VAT1L: variants seen among roughly 807,000 people sequenced by gnomAD.
VAT1L encodes vesicle amine transport 1 like.
Under a neutral mutation model 44.1 loss-of-function variants are expected in VAT1L, and 34 were observed. The ratio of observed to expected loss-of-function variants is 0.77; its 90% CI spans 0.59 to 1.03. The LOEUF (loss-of-function observed/expected upper bound fraction) is 1.03, where lower values mean the gene tolerates loss of function less well. Among genes scored for constraint, VAT1L ranks in the 50% least tolerant of loss-of-function variants. VAT1L has a pLI of 0.00. For missense variants in VAT1L, 615 were observed against 538.8 expected (o/e 1.14, Z -1.40); for synonymous variants, 253 against 202.2 (o/e 1.25, Z -2.13).
chr16:77,896,631 A>G (rs574315782), intron 7 of VAT1L, among the ~76,000 whole-genome samples: 46 of 152,294 alleles, frequency 3.0e-4, no homozygotes, highest in African/African-American at 9.9e-4. Flanking sequence ...ATGCCCCGCG[A>G]AAGATTTCTG....
chr16:77,872,615 G>A (rs533872080), intron 4 of VAT1L, among the ~76,000 whole-genome samples: 13 of 152,240 alleles, frequency 8.5e-5, no homozygotes, highest in East Asian at 5.8e-4. Context: ...AGCCACAGTG[G>A]CTGCTTCCCA....
At chr16:77,815,968 CAAAAAAAA>C (rs57312031) in intron 1 of VAT1L, among the ~76,000 whole-genome samples, 5 of 32,944 alleles carry the variant, frequency 1.5e-4, no homozygotes, top group Non-Finnish European at 2.2e-4. Flanking sequence ...AACTCTGTCT[CAAAAAAAA>C]AAAAAAAAAA....
At chr16:77,866,586 T>TA (rs970692280) in intron 4 of VAT1L, among the ~76,000 whole-genome samples, 26 of 151,058 alleles carry the variant, frequency 1.7e-4, no homozygotes, top group African/African-American at 6.4e-4. Flanking sequence ...CAGATATTGT[T>TA]ACGCTATTAG....
intron 7 of VAT1L, among the ~76,000 whole-genome samples, chr16:77,894,502 G>C (rs2017300733): frequency 6.6e-6 from 1 of 152,178 alleles, no homozygotes; most frequent in South Asian, 2.1e-4. Flanking sequence ...GAGGAACAGA[G>C]GTCACAGGAG....
In VAT1L at chr16:77,960,341, C is replaced by T. The variant is rs115588864; in HGVS notation, c.1078-11509C>T. On this transcript the variant is annotated intron_variant, in intron 7 of 8. Coordinates refer to ENST00000302536, the MANE Select transcript of VAT1L (RefSeq NM_020927.3). Reference sequence around the variant, plus strand: ...GTACCCTGGCAGGAAGCAAGCAGCACACTTAGCTGGGGTTCTAAAGGTATC... The same window carrying T: ...GTACCCTGGCAGGAAGCAAGCAGCATACTTAGCTGGGGTTCTAAAGGTATC... Among the ~76,000 whole-genome samples, 659 of 152,204 alleles carry T rather than the reference C, an allele frequency of 4.3e-3. 8 individuals are homozygous for T. The highest frequency in any genetic ancestry group is 0.015 in the African/African-American group (634 of 41,536).
chr16:77,942,593 T>C (rs1346544720), intron 7 of VAT1L, among the ~76,000 whole-genome samples: 3 of 152,194 alleles, frequency 2.0e-5, no homozygotes, highest in Admixed American at 6.5e-5. Flanking sequence ...CTTGCATCCA[T>C]AGTTGCCTCA....
At position 77,825,441 on chromosome 16, in the gene VAT1L, C is replaced by T. The variant is rs777471277; in HGVS notation, c.559C>T (p.His187Tyr). 2 of 1,597,008 alleles carry T rather than the reference C, an allele frequency of 1.3e-6. No homozygotes were observed. Among genetic ancestry groups the T allele is most frequent in the South Asian group, 2.2e-5 (2 of 88,930 alleles). Residue 187 changes from histidine to tyrosine, a missense_variant, in exon 3 of 9, where the codon CAC (histidine) becomes TAC (tyrosine). Coordinates refer to ENST00000302536, the MANE Select transcript of VAT1L (RefSeq NM_020927.3). ...NLREGMSVLV[H>Y]SAGGGVGQAV... Reference sequence around the variant, plus strand: ...CCGGGAAGGGATGTCTGTGCTCGTGCACTCAGCTGGTGGGGGCGTGGTAAG... The same window carrying T: ...CCGGGAAGGGATGTCTGTGCTCGTGTACTCAGCTGGTGGGGGCGTGGTAAG...
At chr16:77,895,197 A>T (rs2017310924) in intron 7 of VAT1L, among the ~76,000 whole-genome samples, 1 of 151,190 alleles carries the variant, frequency 6.6e-6, no homozygotes, top group South Asian at 2.1e-4. Context: ...CAGCACTATC[A>T]CGCCCCCAGG....
chr16:77,874,389 T>C (rs1227248098), intron 4 of VAT1L, among the ~76,000 whole-genome samples: 1 of 151,916 alleles, frequency 6.6e-6, no homozygotes. Flanking sequence ...TAATGCAAGG[T>C]GAAGACCTGA....
intron 8 of VAT1L, among the ~76,000 whole-genome samples, chr16:77,972,348 A>G (rs2018288853): frequency 6.6e-6 from 1 of 151,960 alleles, no homozygotes; most frequent in Admixed American, 6.6e-5. Flanking sequence ...AGAGAGTCTT[A>G]AACTCTGTCA....
intron 7 of VAT1L, among the ~76,000 whole-genome samples, chr16:77,895,100 C>CCA (rs67138523): frequency 0.041 from 6,011 of 145,240 alleles, 235 homozygotes; most frequent in East Asian, 0.16. Context: ...AGCCACTTGC[C>CCA]CACACACACA....
intron 7 of VAT1L, among the ~76,000 whole-genome samples, chr16:77,895,418 C>T (rs2017313504): frequency 6.6e-6 from 1 of 152,098 alleles, no homozygotes. Flanking sequence ...GACTCTGAGA[C>T]AAGGAGAATA....
chr16:77,907,452 A>C (rs2017450432), intron 7 of VAT1L, among the ~76,000 whole-genome samples: 3 of 152,198 alleles, frequency 2.0e-5, no homozygotes, highest in Admixed American at 2.0e-4. Context: ...AGAAATCAAT[A>C]TCCAGGCAGA....
chr16:77,815,717 C>G (rs2016338934), intron 1 of VAT1L, among the ~76,000 whole-genome samples: 2 of 151,746 alleles, frequency 1.3e-5, no homozygotes, highest in Admixed American at 6.6e-5. Context: ...GCCTGTAATC[C>G]CAGCAATTTG....
chr16:77,928,520 T>C (rs1234080710), intron 7 of VAT1L, among the ~76,000 whole-genome samples: 1 of 152,192 alleles, frequency 6.6e-6, no homozygotes, highest in African/African-American at 2.4e-5. Flanking sequence ...TCCATAACTG[T>C]CATCTCAGAA....
chr16:77,941,376 T>A (rs565792488), intron 7 of VAT1L, among the ~76,000 whole-genome samples: 1 of 152,224 alleles, frequency 6.6e-6, no homozygotes, highest in African/African-American at 2.4e-5. Flanking sequence ...CTGTCATATG[T>A]TGATTTGTAT....
At chr16:77,873,878 A>G (rs1473755746) in intron 4 of VAT1L, among the ~76,000 whole-genome samples, 1 of 152,170 alleles carries the variant, frequency 6.6e-6, no homozygotes, top group Non-Finnish European at 1.5e-5. Context: ...TTCTAGGGAC[A>G]ATCAAAAGGC....
intron 4 of VAT1L, among the ~76,000 whole-genome samples, chr16:77,866,039 T>G (rs1228432438): frequency 6.6e-6 from 1 of 152,082 alleles, no homozygotes; most frequent in Non-Finnish European, 1.5e-5. Context: ...TTCCCACAAT[T>G]CATTGTGTTT....
At position 77,857,472 on chromosome 16, in the gene VAT1L, C is replaced by A. The variant is rs547796792; in HGVS notation, c.580-5276C>A. 9.0e-4 allele frequency among the ~76,000 whole-genome samples: 137 copies of A among 152,122 alleles called. 1 individual carries two copies. The highest frequency in any genetic ancestry group is 1.5e-3 in the Non-Finnish European group (101 of 68,004). On this transcript the variant is annotated intron_variant, in intron 3 of 8. Transcript: ENST00000302536. ...AAATTTATTGAAAATGTTACCAGGG[C>A]CTCTCATTGCCTAAGACAGGTGATG...
Sources: allele counts gnomAD v4.1 joint callset (sites outside exome capture counted in the v4.1 genomes callset), GRCh38; gene constraint gnomAD v4.1.1; transcripts MANE v1.5; gene names NCBI Gene and HGNC (gene_info 2026-07-23, HGNC 2026-07-21).